KRT76: variants seen among roughly 807,000 people sequenced by gnomAD.
The protein encoded by KRT76 is keratin, type II cytoskeletal 2 oral.
Under a neutral mutation model 44.9 loss-of-function variants are expected in KRT76, and 47 were observed. The ratio of observed to expected loss-of-function variants is 1.05; its 90% confidence interval spans 0.83 to 1.33. The LOEUF (loss-of-function observed/expected upper bound fraction) is 1.33, where lower values mean the gene tolerates loss of function less well. KRT76 is among the 40% of genes most tolerant of loss of function. KRT76 has a pLI of 0.00. For missense variants in KRT76, 860 were observed against 775.8 expected (o/e 1.11, Z -1.29); for synonymous variants, 331 against 294.1 (o/e 1.13, Z -1.28).
chr12:52,774,625 G>T (rs2121195922), intron 2 of KRT76, among the ~76,000 whole-genome samples: 1 of 152,302 alleles, frequency 6.6e-6, no homozygotes, highest in Non-Finnish European at 1.5e-5. Flanking sequence ...GGAGAAAAGA[G>T]GTCTCTGGGA....
intron 6 of KRT76, 21 bp from the exon 7 acceptor site, chr12:52,771,240 G>C: frequency 6.2e-7 from 1 of 1,611,038 alleles, no homozygotes. Flanking sequence ...AAATCAATTA[G>C]CATAGTGACC....
chr12:52,772,980 TCTC>T, intron 3 of KRT76, 102 bp from the exon 4 acceptor site: 1 of 755,032 alleles, frequency 1.3e-6, no homozygotes, highest in Middle Eastern at 3.4e-4. Context: ...CGCCCCCAGC[TCTC>T]CTCCTAATTG....
rs771651223 is a variant in KRT76 at position 52,769,592 on chromosome 12, G to A, written c.1485-9C>T. ...GACATTCTCCAGACATCCTGAAAAGGAAGAGGAGAGGTGAATTCTTTCTGT... is the reference window on the plus strand; with the variant it reads ...GACATTCTCCAGACATCCTGAAAAGAAAGAGGAGAGGTGAATTCTTTCTGT... On this transcript the variant is annotated splice_polypyrimidine_tract_variant and intron_variant, in intron 7 of 8. Transcript: ENST00000332411. 1 of 1,613,132 alleles carries A rather than the reference G, an allele frequency of 6.2e-7. No individual in the cohort carries two copies. Among genetic ancestry groups the A allele is most frequent in the African/African-American group, 1.3e-5 (1 of 75,018 alleles).
In KRT76 at chr12:52,768,557, TG is replaced by T; in HGVS notation, c.*155del. ...GACCTCCATGGCCCTGGGAAGGTCA[TG>T]GGGATGGAGAAACCAGGAGTTCAGC... On this transcript the variant is annotated 3_prime_UTR_variant, in exon 9 of 9. Transcript: ENST00000332411. 1.2e-6 allele frequency: 1 copy of T among 836,628 alleles called. No homozygotes were observed. Among genetic ancestry groups the T allele is most frequent in the South Asian group, 1.8e-5 (1 of 55,988 alleles). The allele number at this position is 836,628 out of a possible 1,614,324, so 51.8% of individuals were successfully genotyped here. A position where few individuals can be genotyped will look rare whatever the true frequency, so the allele number is the denominator to read the frequency against.
chr12:52,769,242 CA>C, intron 8 of KRT76, 132 bp from the exon 9 acceptor site: 1 of 610,814 alleles, frequency 1.6e-6, no homozygotes. Flanking sequence ...CCTCAGTTTG[CA>C]AACCATGAGA....
rs186958973 is a variant in KRT76 at position 52,772,210 on chromosome 12, A to G, written c.1021T>C (p.Ser341Pro). The G allele has an allele frequency of 4.7e-5, 76 of 1,612,236 alleles. No individual in the cohort carries two copies. In the East Asian group the frequency reaches 1.5e-3, roughly 31 times the overall value. The stretch of plus-strand genomic sequence containing the variant: ...TCCAGGCAGCGGTTGTTGTCCATGG[A>G]CAGAACCACAGACGTGTCACTGGCA... Reference protein sequence around the residue: ...SHASDTSVVLSMDNNRCLDLG... With the variant: ...SHASDTSVVLPMDNNRCLDLG... Residue 341 changes from serine to proline, a missense_variant, in exon 5 of 9, where the codon TCC (serine) becomes CCC (proline). Ser to Pro is a moderately conservative substitution (Grantham distance 74). Transcript: ENST00000332411.
chr12:52,777,008 C>T lies in KRT76; in HGVS notation c.284G>A (p.Gly95Glu), dbSNP rs1357277880. 1 of 1,614,034 alleles carries T rather than the reference C, an allele frequency of 6.2e-7. No homozygotes were observed. Among genetic ancestry groups the T allele is most frequent in the South Asian group, 1.1e-5 (1 of 91,080 alleles). ...ACCATAGCTGCCCCCAAAGCCACCT[C>T]CATAGCCACCTGCAAAGCCACAGCT... ...RSSCGFAGGY[G>E]GGFGGSYGGG... Residue 95 changes from glycine (G) to glutamate (E), a missense_variant, in exon 1 of 9, where the codon GGA becomes GAA. Gly to Glu is a moderately conservative substitution (Grantham distance 98). Coordinates refer to ENST00000332411, the MANE Select transcript of KRT76 (RefSeq NM_015848.4).
At chr12:52,773,281 A>G (rs1939213280) in intron 3 of KRT76, among the ~76,000 whole-genome samples, 1 of 152,194 alleles carries the variant, frequency 6.6e-6, no homozygotes, top group South Asian at 2.1e-4. Context: ...TGTTATTAAT[A>G]GCATCTGGAG....
chr12:52,776,685 C>G lies in KRT76; in HGVS notation c.600+7G>C, dbSNP rs753973524. 1.2e-6 allele frequency: 2 copies of G among 1,613,996 alleles called. No individual in the cohort carries two copies. Reference sequence around the variant, plus strand: ...CCCTCCACAGCACCTCTTGGCCTTGCCCTCACCTTGTCGATGAAGGAGGCA... The same window carrying G: ...CCCTCCACAGCACCTCTTGGCCTTGGCCTCACCTTGTCGATGAAGGAGGCA... On this transcript the variant is annotated splice_region_variant and intron_variant, in intron 1 of 8. Coordinates refer to ENST00000332411, the MANE Select transcript of KRT76 (RefSeq NM_015848.4).
In KRT76 at chr12:52,775,354, C is replaced by T. The variant is rs201176061; in HGVS notation, c.815+34G>A. 4 of 1,601,318 alleles carry T rather than the reference C, an allele frequency of 2.5e-6. No individual in the cohort carries two copies. In the Admixed American group the frequency reaches 5.0e-5, roughly 20 times the overall value. ...AGGACCACACCTCCCTGCTAATTCCCCAGAAGGGGAAACTTCCCAGGAGGA... is the reference window on the plus strand; with the variant it reads ...AGGACCACACCTCCCTGCTAATTCCTCAGAAGGGGAAACTTCCCAGGAGGA... On this transcript the variant is annotated intron_variant, in intron 2 of 8. Transcript: ENST00000332411.
chr12:52,772,512 G>A (rs1226330457), intron 4 of KRT76, among the ~76,000 whole-genome samples: 3 of 152,216 alleles, frequency 2.0e-5, no homozygotes, highest in Non-Finnish European at 4.4e-5. Flanking sequence ...AGTTTCCATG[G>A]GCCCCCAGCA....
At position 52,771,872 on chromosome 12, in the gene KRT76, T is replaced by G. The variant is rs1190533338; in HGVS notation, c.1262A>C (p.Gln421Pro). ...LRAEIENVKK[Q>P]NANLQTAIAE... ...TCTCTCCGTTAAACCCAGCCCCACCTGCTTCTTGACATTTTCAATCTCAGC... is the reference window on the plus strand; with the variant it reads ...TCTCTCCGTTAAACCCAGCCCCACCGGCTTCTTGACATTTTCAATCTCAGC... The change falls in exon 6 of 9, where the codon CAG (glutamine) becomes CCG (proline). Residue 421 changes from glutamine to proline, a missense_variant and splice_region_variant. Physicochemically the swap from Gln to Pro is moderately conservative, Grantham distance 76. Transcript: ENST00000332411. The G allele has an allele frequency of 1.2e-6, 2 of 1,613,280 alleles. No homozygotes were observed. Among genetic ancestry groups the G allele is most frequent in the Non-Finnish European group, 1.7e-6 (2 of 1,179,510 alleles).
intron 6 of KRT76, among the ~76,000 whole-genome samples, chr12:52,771,575 A>G (rs1939182318): frequency 6.6e-6 from 1 of 152,242 alleles, no homozygotes; most frequent in African/African-American, 2.4e-5. Context: ...AAGGTGTGAG[A>G]AACAGCTTCA....
intron 3 of KRT76, 59 bp from the exon 4 acceptor site, chr12:52,772,937 T>A: frequency 8.1e-7 from 1 of 1,230,330 alleles, no homozygotes; most frequent in South Asian, 1.2e-5. Flanking sequence ...ACCCAGTGGC[T>A]CTTTCCTAAG....
At chr12:52,776,032 G>A (rs1452096217) in intron 1 of KRT76, among the ~76,000 whole-genome samples, 1 of 148,282 alleles carries the variant, frequency 6.7e-6, no homozygotes, top group African/African-American at 2.6e-5. Flanking sequence ...TTTTTTAGAT[G>A]TAAGCTTTTT....
At chr12:52,770,546 C>T (rs754458656) in intron 7 of KRT76, among the ~76,000 whole-genome samples, 1 of 152,046 alleles carries the variant, frequency 6.6e-6, no homozygotes, top group Non-Finnish European at 1.5e-5. Flanking sequence ...GTATGGTAGC[C>T]AGTAGCCACA....
At chr12:52,776,350 G>A (rs1222320404) in intron 1 of KRT76, among the ~76,000 whole-genome samples, 1 of 152,250 alleles carries the variant, frequency 6.6e-6, no homozygotes, top group Non-Finnish European at 1.5e-5. Flanking sequence ...GGATTATCAA[G>A]CAATTGCTTT....
At position 52,777,344 on chromosome 12, in the gene KRT76, A is replaced by G. The variant is rs1305161171; in HGVS notation, c.-53T>C. On this transcript the variant is annotated 5_prime_UTR_variant, in exon 1 of 9. Transcript: ENST00000332411. ...GATCACTTAGCAAGAGCTGAGAGGG[A>G]TAGGGACAAGAGAGGAGACTGGCCT... 1 of 1,607,952 alleles carries G rather than the reference A, an allele frequency of 6.2e-7. No individual in the cohort carries two copies. Among genetic ancestry groups the G allele is most frequent in the African/African-American group, 1.3e-5 (1 of 74,932 alleles).
At chr12:52,772,657 G>A in intron 4 of KRT76, 126 bp downstream of exon 4, 1 of 727,798 alleles carries the variant, frequency 1.4e-6, no homozygotes, top group Non-Finnish European at 2.5e-6. Flanking sequence ...TTCCCAGGTG[G>A]GGTGGAGCTG....
Sources: allele counts gnomAD v4.1 joint callset (sites outside exome capture counted in the v4.1 genomes callset), GRCh38; gene constraint gnomAD v4.1.1; transcripts MANE v1.5; gene names NCBI Gene and HGNC (gene_info 2026-07-23, HGNC 2026-07-21).